KCNK10: variants seen among roughly 807,000 people sequenced by gnomAD.
KCNK10 encodes potassium two pore domain channel subfamily K member 10.
KCNK10 carries 25 observed loss-of-function variants against 47.7 expected under a neutral mutation model. The ratio of observed to expected loss-of-function variants is 0.52; its 90% CI spans 0.38 to 0.73. The LOEUF (loss-of-function observed/expected upper bound fraction) is 0.73, where lower values mean the gene tolerates loss of function less well. Among genes scored for constraint, KCNK10 ranks in the 30% least tolerant of loss-of-function variants. The pLI is 0.00. For synonymous variants in KCNK10, 303 were observed against 285.6 expected, an observed-to-expected ratio of 1.06 and a Z score of -0.61; for missense variants, 563 against 714.5, an observed-to-expected ratio of 0.79 and a Z score of 2.42.
At chr14:88,240,847 A>G in intron 2 of KCNK10, 27 bp from the exon 3 acceptor site, 1 of 1,391,936 alleles carries the variant, frequency 7.2e-7, no homozygotes, top group Middle Eastern at 1.8e-4. Flanking sequence ...AAAGCATAAG[A>G]CTCAGTTTAA....
chr14:88,255,668 G>A (rs1886933504), intron 2 of KCNK10, among the ~76,000 whole-genome samples: 1 of 152,134 alleles, frequency 6.6e-6, no homozygotes, highest in Non-Finnish European at 1.5e-5. Context: ...CCGAAGAGAG[G>A]CAGGGGAGAA....
chr14:88,326,387 C>G (rs1450348968), upstream of KCNK10: 1 of 1,602,214 alleles, frequency 6.2e-7, no homozygotes, highest in Non-Finnish European at 8.6e-7. Context: ...CGGTTCTACC[C>G]TTTGGTTATT....
chr14:88,196,637 T>G lies in KCNK10; in HGVS notation c.682-4227A>C, dbSNP rs546463191. 3.9e-5 allele frequency among the ~76,000 whole-genome samples: 6 copies of G among 152,336 alleles called. No homozygotes were observed. In the East Asian group the frequency reaches 1.2e-3, roughly 29 times the overall value. On this transcript the variant is annotated intron_variant, in intron 4 of 6. Coordinates refer to ENST00000319231, the MANE Select transcript of KCNK10 (RefSeq NM_138317.3). ...TATTCATTGTGATTTCTAGCCAGGA[T>G]GTCGGGGATTTTACTCAAGAATAAA... is the stretch of plus-strand genomic sequence containing the variant.
chr14:88,312,950 A>G (rs1383027510), intron 1 of KCNK10, among the ~76,000 whole-genome samples: 1 of 152,252 alleles, frequency 6.6e-6, no homozygotes, highest in Non-Finnish European at 1.5e-5. Context: ...ATGGAGTTAA[A>G]TGAATCATCA....
At position 88,263,193 on chromosome 14, in the gene KCNK10, C is replaced by T. The variant is rs1475965323; in HGVS notation, c.402+9G>A. The T allele has an allele frequency of 6.2e-7, 1 of 1,607,898 alleles. No homozygotes were observed. The highest frequency in any genetic ancestry group is 1.3e-5 in the African/African-American group (1 of 74,950). ...CAGCTGGCCTAAGATGGACTCACTCCCTGCTCACCTGGATCAACGTCTCCA... is the reference window on the plus strand; with the variant it reads ...CAGCTGGCCTAAGATGGACTCACTCTCTGCTCACCTGGATCAACGTCTCCA... On this transcript the variant is annotated intron_variant, in intron 2 of 6. Coordinates refer to ENST00000319231, the MANE Select transcript of KCNK10 (RefSeq NM_138317.3).
chr14:88,185,396 T>C lies in KCNK10; in HGVS notation c.*139A>G. ...GGCAGAGCAAGCTTTCAGTTGTTTATGGCACAGTGAAATATATTCTTCAAT... is the reference window on the plus strand; with the variant it reads ...GGCAGAGCAAGCTTTCAGTTGTTTACGGCACAGTGAAATATATTCTTCAAT... On this transcript the variant is annotated 3_prime_UTR_variant, in exon 7 of 7. Coordinates refer to ENST00000319231, the MANE Select transcript of KCNK10 (RefSeq NM_138317.3). This position sits in a 1 kb window ranked among gnomAD's most constrained non-coding sequence, Gnocchi z 4.3. 3 of 1,229,950 alleles carry C rather than the reference T, an allele frequency of 2.4e-6. No homozygotes were observed. Among genetic ancestry groups the C allele is most frequent in the East Asian group, 2.5e-5 (1 of 40,574 alleles). The allele number at this position is 1,229,950 out of a possible 1,614,324, so 76.2% of individuals were successfully genotyped here.
At chr14:88,206,673 T>C (rs566490763) in intron 4 of KCNK10, among the ~76,000 whole-genome samples, 25 of 152,344 alleles carry the variant, frequency 1.6e-4, no homozygotes, top group African/African-American at 5.5e-4. Context: ...ATTCTACGTA[T>C]AGATGCCAAG....
At chr14:88,224,931 T>C (rs1042063030) in intron 4 of KCNK10, among the ~76,000 whole-genome samples, 1 of 152,194 alleles carries the variant, frequency 6.6e-6, no homozygotes, top group Non-Finnish European at 1.5e-5. Flanking sequence ...TTAGATTTTA[T>C]TTTTACTCCA....
chr14:88,313,331 A>C (rs1292383325), intron 1 of KCNK10, among the ~76,000 whole-genome samples: 1 of 152,188 alleles, frequency 6.6e-6, no homozygotes, highest in African/African-American at 2.4e-5. Context: ...TCTCCCTTCC[A>C]ACGTGAATGT....
chr14:88,326,637 G>A, upstream of KCNK10: 2 of 592,748 alleles, frequency 3.4e-6, no homozygotes, highest in Middle Eastern at 4.5e-4. Flanking sequence ...GGAGACCCGG[G>A]CTGGCGGCCA....
intron 2 of KCNK10, among the ~76,000 whole-genome samples, chr14:88,248,987 A>C (rs1886719012): frequency 1.3e-5 from 2 of 152,210 alleles, no homozygotes; most frequent in Non-Finnish European, 2.9e-5. Context: ...GAAGTGTCAG[A>C]GCTGAGACTG....
At chr14:88,192,474 T>C (rs572971649) in intron 4 of KCNK10, 64 bp from the exon 5 acceptor site, 2 of 1,417,040 alleles carry the variant, frequency 1.4e-6, no homozygotes, top group East Asian at 2.3e-5. Flanking sequence ...AGGATATAGA[T>C]GCACAGAAAA....
intron 2 of KCNK10, among the ~76,000 whole-genome samples, chr14:88,257,729 A>C (rs1886996721): frequency 1.3e-5 from 2 of 152,242 alleles, no homozygotes; most frequent in Non-Finnish European, 2.9e-5. Flanking sequence ...GTGGGGACTG[A>C]AGGAGATAAA....
At chr14:88,321,378 T>C (rs765229578) in intron 1 of KCNK10, among the ~76,000 whole-genome samples, 4 of 152,220 alleles carry the variant, frequency 2.6e-5, no homozygotes, top group African/African-American at 9.7e-5. Context: ...TACATAAACT[T>C]TGAATTATGC....
chr14:88,207,728 C>T (rs61975829), intron 4 of KCNK10, among the ~76,000 whole-genome samples: 4 of 152,120 alleles, frequency 2.6e-5, no homozygotes, highest in Non-Finnish European at 5.9e-5. Context: ...TGTGCTAGCA[C>T]CTGAAGATGC....
At chr14:88,198,986 C>G (rs1217134173) in intron 4 of KCNK10, among the ~76,000 whole-genome samples, 2 of 149,356 alleles carry the variant, frequency 1.3e-5, no homozygotes, top group Non-Finnish European at 3.0e-5. Flanking sequence ...GTGGCGCAAA[C>G]TCAGCTCACT....
chr14:88,256,210 T>A (rs983692587), intron 2 of KCNK10, among the ~76,000 whole-genome samples: 5 of 152,198 alleles, frequency 3.3e-5, no homozygotes, highest in Non-Finnish European at 7.3e-5. Context: ...GGGTCCTTAT[T>A]AAAGGGGCCT....
rs534345429 is a variant in KCNK10 at position 88,292,358 on chromosome 14, G to C, written c.53-28807C>G. ...GTGATTTTGTTTTGTTGTTGTTGCT[G>C]TTGTTGTTTGAGATGGAGTCTCCCT... is the stretch of plus-strand genomic sequence containing the variant. On this transcript the variant is annotated intron_variant, in intron 1 of 6. Transcript: ENST00000319231. 2.0e-5 allele frequency among the ~76,000 whole-genome samples: 3 copies of C among 152,226 alleles called. No homozygotes were observed. The East Asian group carries it at 5.8e-4, about 30-fold the overall frequency.
chr14:88,299,828 C>A (rs1452926684), intron 1 of KCNK10, among the ~76,000 whole-genome samples: 1 of 152,090 alleles, frequency 6.6e-6, no homozygotes, highest in Non-Finnish European at 1.5e-5. Context: ...AAAGTGAAAT[C>A]AACTTACAGA....
Sources: allele counts gnomAD v4.1 joint callset (sites outside exome capture counted in the v4.1 genomes callset), GRCh38; gene constraint gnomAD v4.1.1; non-coding constraint Gnocchi (gnomAD v3.1); transcripts MANE v1.5; gene names NCBI Gene and HGNC (gene_info 2026-07-23, HGNC 2026-07-21).